The following SLC22A9 variants were observed in gnomAD, a reference collection of about 807,000 sequenced individuals.
SLC22A9 encodes organic anion transporter 7.
Under a neutral mutation model 50.1 loss-of-function variants are expected in SLC22A9, and 64 were observed. The observed-to-expected ratio is 1.28, with a 90% CI of 1.04 to 1.57. SLC22A9 has a LOEUF of 1.57. Ranked by LOEUF, SLC22A9 falls within the 40% of genes most tolerant of loss-of-function variation. The pLI is 0.00. For synonymous variants in SLC22A9, 261 were observed against 242.5 expected (o/e 1.08, Z -0.71); for missense variants, 757 against 676.1 (o/e 1.12, Z -1.33).
chr11:63,382,648 T>C (rs1236126112), intron 6 of SLC22A9, among the ~76,000 whole-genome samples: 3 of 152,136 alleles, frequency 2.0e-5, no homozygotes, highest in Non-Finnish European at 4.4e-5. Context: ...TATTTCCATA[T>C]TTTGATATGT....
At position 63,408,691 on chromosome 11, in the gene SLC22A9, G is replaced by C. The variant is rs200542715; in HGVS notation, c.1413G>C (p.Gly471=). The C allele has an allele frequency of 2.5e-6, 4 of 1,613,466 alleles. No individual in the cohort carries two copies. The African/African-American group carries it at 5.3e-5, about 22-fold the overall frequency. The change falls in exon 9 of 10, where the codon GGG becomes GGC. Residue 471 remains glycine (G), a synonymous_variant. Coordinates refer to ENST00000279178, the MANE Select transcript of SLC22A9 (RefSeq NM_080866.3). ...CCACTCAAAGGGCAAGAGCTATGGGGATCAATGCAACCTTTGCTAATATAG... is the reference window on the plus strand; with the variant it reads ...CCACTCAAAGGGCAAGAGCTATGGGCATCAATGCAACCTTTGCTAATATAG... ...IPTIIRARAM[G]INATFANIAG...
Position 63,406,599 on chromosome 11 carries a change from G to T in SLC22A9, c.1176G>T (p.Leu392=), listed in dbSNP as rs747928784. The T allele has an allele frequency of 1.2e-6, 2 of 1,613,748 alleles. No homozygotes were observed. The highest frequency in any genetic ancestry group is 1.7e-6 in the Non-Finnish European group (2 of 1,179,874). The change falls in exon 7 of 10, where the codon CTG becomes CTT. Residue 392 remains leucine, a synonymous_variant. Transcript: ENST00000279178. ...CTCTCTTTGGTGCAGTCATCCTCCT[G>T]GCCAACTGTGTTGCACCTTGGGCAC... is the stretch of plus-strand genomic sequence containing the variant. The part of the protein sequence containing the change: ...LQTLFGAVIL[L]ANCVAPWALK...
chr11:63,384,990 T>G (rs1270788828), intron 6 of SLC22A9, among the ~76,000 whole-genome samples: 1 of 151,870 alleles, frequency 6.6e-6, no homozygotes. Context: ...GGAGTTTTTT[T>G]GTTTTTTCCT....
chr11:63,369,846 G>C lies in SLC22A9; in HGVS notation c.-211G>C. ...GCAAATTATTTCTTACGTGACTTTA[G>C]AGAAAACGGCTACCTATCTGACCCC... On this transcript the variant is annotated 5_prime_UTR_variant, in exon 1 of 10. Coordinates refer to ENST00000279178, the MANE Select transcript of SLC22A9 (RefSeq NM_080866.3). The C allele has an allele frequency of 4.0e-6, 2 of 504,356 alleles. No individual in the cohort carries two copies. Among genetic ancestry groups the C allele is most frequent in the Non-Finnish European group, 6.9e-6 (2 of 289,062 alleles). The allele number at this position is 504,356 out of a possible 1,614,324, so 31.2% of individuals were successfully genotyped here.
At chr11:63,378,173 G>A (rs1219032420) in intron 5 of SLC22A9, among the ~76,000 whole-genome samples, 1 of 149,156 alleles carries the variant, frequency 6.7e-6, no homozygotes, top group Non-Finnish European at 1.5e-5. Flanking sequence ...ATTGAGGCAG[G>A]GAGACTCCTA....
chr11:63,372,682 T>G (rs2119862458), intron 2 of SLC22A9, among the ~76,000 whole-genome samples: 1 of 152,288 alleles, frequency 6.6e-6, no homozygotes, highest in Non-Finnish European at 1.5e-5. Flanking sequence ...TAAGGTAGAC[T>G]TTTGTTTAAT....
At chr11:63,371,034 G>A (rs1467795371) in intron 1 of SLC22A9, 101 bp from the exon 2 acceptor site, 2 of 792,740 alleles carry the variant, frequency 2.5e-6, no homozygotes, top group Non-Finnish European at 4.1e-6. Context: ...GAGGAAGTTA[G>A]AGACTTAATA....
intron 5 of SLC22A9, 78 bp from the exon 6 acceptor site, chr11:63,382,081 T>A: frequency 2.1e-6 from 2 of 974,912 alleles, no homozygotes; most frequent in Non-Finnish European, 3.1e-6. Flanking sequence ...ACTTCTCATC[T>A]GTGGGTTGAC....
At chr11:63,379,149 A>G (rs1017065973) in intron 5 of SLC22A9, among the ~76,000 whole-genome samples, 5 of 152,236 alleles carry the variant, frequency 3.3e-5, no homozygotes, top group African/African-American at 1.2e-4. Context: ...CCAAAACAGC[A>G]TGGTACTGGT....
In SLC22A9 at chr11:63,374,067, G is replaced by A. The variant is rs2014416266; in HGVS notation, c.830+5G>A. ...TGTGATCTTTCTGACCTCAAGGTAT[G>A]AGTTTGTTTCTTCTTTTGTCTTAAT... On this transcript the variant is annotated splice_donor_5th_base_variant and intron_variant, in intron 4 of 9. Transcript: ENST00000279178. 1.2e-6 allele frequency: 2 copies of A among 1,601,004 alleles called. No individual in the cohort carries two copies. Among genetic ancestry groups the A allele is most frequent in the Non-Finnish European group, 1.7e-6 (2 of 1,174,560 alleles).
At chr11:63,391,889 T>C (rs1195416687) in intron 6 of SLC22A9, among the ~76,000 whole-genome samples, 1 of 152,048 alleles carries the variant, frequency 6.6e-6, no homozygotes, top group Non-Finnish European at 1.5e-5. Context: ...ATCTTCCTTC[T>C]CTCCTTCCTT....
chr11:63,395,786 T>A (rs2014844018), intron 6 of SLC22A9, among the ~76,000 whole-genome samples: 1 of 152,136 alleles, frequency 6.6e-6, no homozygotes, highest in Non-Finnish European at 1.5e-5. Flanking sequence ...AATATATGCC[T>A]TTTGTCTTCA....
At chr11:63,393,003 GT>G (rs2014790747) in intron 6 of SLC22A9, among the ~76,000 whole-genome samples, 1 of 151,992 alleles carries the variant, frequency 6.6e-6, no homozygotes, top group Admixed American at 6.6e-5. Context: ...TTATAGAATT[GT>G]TTTTTCTAAT....
At chr11:63,409,419 C>T (rs1414703086) in intron 9 of SLC22A9, among the ~76,000 whole-genome samples, 1 of 142,314 alleles carries the variant, frequency 7.0e-6, no homozygotes, top group African/African-American at 2.8e-5. Context: ...TACACTAACA[C>T]TAATAATATC....
At chr11:63,409,367 G>C (rs775484781) in intron 9 of SLC22A9, among the ~76,000 whole-genome samples, 6 of 151,752 alleles carry the variant, frequency 4.0e-5, no homozygotes, top group Non-Finnish European at 7.4e-5. Flanking sequence ...TGGCTTCCCT[G>C]GTCTACAGTG....
intron 5 of SLC22A9, among the ~76,000 whole-genome samples, chr11:63,380,328 A>G (rs2014537910): frequency 6.6e-6 from 1 of 152,222 alleles, no homozygotes; most frequent in Non-Finnish European, 1.5e-5. Flanking sequence ...CCAGCAATCT[A>G]CTACTGGGTG....
intron 6 of SLC22A9, among the ~76,000 whole-genome samples, chr11:63,399,210 G>T (rs1406094704): frequency 6.6e-6 from 1 of 152,082 alleles, no homozygotes; most frequent in Admixed American, 6.6e-5. Context: ...CCTATTAATT[G>T]CATTGAATGT....
At chr11:63,405,114 A>AAATAATAATAATAAT (rs1210823050) in intron 6 of SLC22A9, among the ~76,000 whole-genome samples, 1 of 151,826 alleles carries the variant, frequency 6.6e-6, no homozygotes, top group African/African-American at 2.4e-5. Flanking sequence ...AAAGCTATTG[A>AAATAATAATAATAAT]AATAATAACA....
At chr11:63,373,870 AG>A in intron 3 of SLC22A9, 23 bp from the exon 4 acceptor site, 1 of 1,610,024 alleles carries the variant, frequency 6.2e-7, no homozygotes, top group Non-Finnish European at 8.5e-7. Flanking sequence ...TTGAAGTCAA[AG>A]CCTTATCTGT....
Sources: gnomAD v4.1 joint callset for allele counts (sites outside exome capture counted in the v4.1 genomes callset) on GRCh38, gnomAD v4.1.1 for gene constraint, MANE v1.5 for transcripts, NCBI Gene and HGNC (gene_info 2026-07-23, HGNC 2026-07-21) for gene names.